CIDEC: variants seen among roughly 807,000 people sequenced by gnomAD.
CIDEC encodes cell death inducing DFFA like effector c, also known as lipid transferase CIDEC.
CIDEC carries 11 observed loss-of-function variants against 21.9 expected under a neutral mutation model. That is an observed-to-expected ratio of 0.50 (90% CI 0.32 to 0.83). The LOEUF is 0.83. CIDEC is among the 40% of genes least tolerant of loss of function. The pLI is 0.04. For synonymous variants in CIDEC, 127 were observed against 124.9 expected, an observed-to-expected ratio of 1.02 and a Z score of -0.11; for missense variants, 302 against 302.3, an observed-to-expected ratio of 1.00 and a Z score of 0.01.
chr3:9,879,699 G>A (rs778673948), intron 1 of CIDEC, among the ~76,000 whole-genome samples: 1 of 152,044 alleles, frequency 6.6e-6, no homozygotes, highest in Non-Finnish European at 1.5e-5. Flanking sequence ...GATCCAGGAC[G>A]AAATTTTTGC....
rs2082459341 is a variant in CIDEC at position 9,878,515 on chromosome 3, G to A, written c.-25-4C>T. ...TGTCAGCTGGACTGCGTTGGACCTGGGAAGGAGGCAGAAACAATTCATCAG... is the reference window on the plus strand; with the variant it reads ...TGTCAGCTGGACTGCGTTGGACCTGAGAAGGAGGCAGAAACAATTCATCAG... On this transcript the variant is annotated splice_polypyrimidine_tract_variant and splice_region_variant and intron_variant, in intron 2 of 6. Transcript: ENST00000336832. 5 of 1,613,014 alleles carry A rather than the reference G, an allele frequency of 3.1e-6. No homozygotes were observed. Among genetic ancestry groups the A allele is most frequent in the Middle Eastern group, 3.3e-4 (2 of 6,058 alleles).
intron 6 of CIDEC, among the ~76,000 whole-genome samples, chr3:9,867,551 C>T (rs1575445076): frequency 6.6e-6 from 1 of 152,184 alleles, no homozygotes; most frequent in East Asian, 1.9e-4. Flanking sequence ...ACCCAGGAGG[C>T]GGAGGTCACA....
chr3:9,868,475 T>C (rs1392157176), intron 6 of CIDEC, among the ~76,000 whole-genome samples: 1 of 152,218 alleles, frequency 6.6e-6, no homozygotes, highest in Non-Finnish European at 1.5e-5. Flanking sequence ...AGCAAACTGC[T>C]CTAGCTTTGA....
Position 9,867,292 on chromosome 3 carries a change from C to G in CIDEC, c.559G>C (p.Ala187Pro). 1 of 1,614,136 alleles carries G rather than the reference C, an allele frequency of 6.2e-7. No homozygotes were observed. Among genetic ancestry groups the G allele is most frequent in the South Asian group, 1.1e-5 (1 of 91,088 alleles). The part of the protein sequence containing the change: ...CCGAKRIMKE[A>P]FRWALFSMQA... The stretch of plus-strand genomic sequence containing the variant: ...ATGCTGAAGAGGGCCCAGCGGAAAG[C>G]TTCCCTGGGTGGAATGAGAGGGCAC... The change falls in exon 7 of 7, where the codon GCT (alanine) becomes CCT (proline). Residue 187 changes from alanine (A) to proline (P), a missense_variant. Ala to Pro is a conservative substitution (Grantham distance 27). Coordinates refer to ENST00000336832, the MANE Select transcript of CIDEC (RefSeq NM_001321142.2).
At chr3:9,872,588 A>G (rs2082363254) in intron 4 of CIDEC, among the ~76,000 whole-genome samples, 1 of 152,154 alleles carries the variant, frequency 6.6e-6, no homozygotes, top group Non-Finnish European at 1.5e-5. Flanking sequence ...AGCTGTAAAC[A>G]CTATATATTC....
Position 9,868,396 on chromosome 3 carries a change from G to C in CIDEC, c.555-1100C>G, listed in dbSNP as rs560185480. 3.3e-5 allele frequency among the ~76,000 whole-genome samples: 5 copies of C among 152,340 alleles called. No homozygotes were observed. In the South Asian group the frequency reaches 1.0e-3, roughly 32 times the overall value. Reference sequence around the variant, plus strand: ...AGACATCCATGCCTGGCATGAGCATGTACTGAGAACAGAACCTGAATCAGG... The same window carrying C: ...AGACATCCATGCCTGGCATGAGCATCTACTGAGAACAGAACCTGAATCAGG... On this transcript the variant is annotated intron_variant, in intron 6 of 6. Coordinates refer to ENST00000336832, the MANE Select transcript of CIDEC (RefSeq NM_001321142.2).
chr3:9,876,399 G>T (rs553615869), intron 4 of CIDEC, among the ~76,000 whole-genome samples: 1 of 152,084 alleles, frequency 6.6e-6, no homozygotes, highest in African/African-American at 2.4e-5. Flanking sequence ...ACTTGAACCT[G>T]GGAGGCGGAG....
chr3:9,870,138 A>AT, intron 5 of CIDEC, 26 bp downstream of exon 5: 1 of 1,614,074 alleles, frequency 6.2e-7, no homozygotes, highest in East Asian at 2.2e-5. Flanking sequence ...TTTCTCCCCC[A>AT]TCAGGTGCAA....
At chr3:9,873,548 G>A (rs564263685) in intron 4 of CIDEC, among the ~76,000 whole-genome samples, 3 of 152,188 alleles carry the variant, frequency 2.0e-5, no homozygotes, top group Non-Finnish European at 2.9e-5. Flanking sequence ...CCTGGGAGGT[G>A]GAGCTTGCAG....
Position 9,867,272 on chromosome 3 carries a change from G to T in CIDEC, c.579C>A (p.Phe193Leu), listed in dbSNP as rs530188186. The change falls in exon 7 of 7, where the codon TTC becomes TTA. Residue 193 changes from phenylalanine to leucine, a missense_variant. By Grantham distance (22) the Phe-to-Leu change is conservative. Coordinates refer to ENST00000336832, the MANE Select transcript of CIDEC (RefSeq NM_001321142.2). Reference protein sequence around the residue: ...IMKEAFRWALFSMQATGHVLL... With the variant: ...IMKEAFRWALLSMQATGHVLL... ...GTACGTGGCCTGTGGCCTGCATGCT[G>T]AAGAGGGCCCAGCGGAAAGCTTCCC... 51 of 1,614,192 alleles carry T rather than the reference G, an allele frequency of 3.2e-5. No homozygotes were observed. Among genetic ancestry groups the T allele is most frequent in the Non-Finnish European group, 4.2e-5 (49 of 1,180,044 alleles).
chr3:9,872,591 A>G (rs2082363308), intron 4 of CIDEC, among the ~76,000 whole-genome samples: 2 of 152,178 alleles, frequency 1.3e-5, no homozygotes, highest in South Asian at 4.1e-4. Context: ...TGTAAACACT[A>G]TATATTCTTG....
At chr3:9,878,617 C>T in intron 2 of CIDEC, 106 bp from the exon 3 acceptor site, 2 of 1,244,610 alleles carry the variant, frequency 1.6e-6, no homozygotes, top group Non-Finnish European at 2.3e-6. Context: ...ACCTTCCTCC[C>T]TATTCTTCTA....
intron 4 of CIDEC, among the ~76,000 whole-genome samples, chr3:9,871,173 A>ATTTTTTTTTTTTT (rs59917579): frequency 8.3e-6 from 1 of 120,166 alleles, no homozygotes; most frequent in Non-Finnish European, 1.7e-5. Context: ...TCTATGTTTA[A>ATTTTTTTTTTTTT]TTTTTTTTTT....
At chr3:9,872,181 C>CT (rs60836522) in intron 4 of CIDEC, among the ~76,000 whole-genome samples, 24 of 144,694 alleles carry the variant, frequency 1.7e-4, no homozygotes, top group East Asian at 4.1e-4. Context: ...GATGCTGAGC[C>CT]TTTTTTTTTT....
chr3:9,874,875 T>C (rs902202362), intron 4 of CIDEC, among the ~76,000 whole-genome samples: 69 of 152,028 alleles, frequency 4.5e-4, no homozygotes, highest in African/African-American at 1.6e-3. Flanking sequence ...GGACTACAGG[T>C]GCACACCACC....
Position 9,870,341 on chromosome 3 carries a change from G to T in CIDEC, c.208-19C>A, listed in dbSNP as rs543938265. The T allele has an allele frequency of 2.2e-5, 36 of 1,610,898 alleles. No individual in the cohort carries two copies. The African/African-American group carries it at 4.0e-4, about 18-fold the overall frequency. On this transcript the variant is annotated intron_variant, in intron 4 of 6. Transcript: ENST00000336832. ...CCCGGACCTGGGGAATAAGGTCAGT[G>T]ATGCTTCTGCCATCCCAGAACAAGT...
chr3:9,867,907 G>T (rs1261997685), intron 6 of CIDEC, among the ~76,000 whole-genome samples: 2 of 152,174 alleles, frequency 1.3e-5, no homozygotes, highest in Non-Finnish European at 2.9e-5. Flanking sequence ...TCCAGCCTGG[G>T]TGACAGAGTG....
intron 2 of CIDEC, chr3:9,878,733 C>T (rs1197778415): frequency 2.0e-6 from 3 of 1,535,638 alleles, no homozygotes; most frequent in Admixed American, 3.9e-5. Flanking sequence ...GGTGCTCAGG[C>T]TCAGCCTCAC....
rs1356176841 is a variant in CIDEC at position 9,866,940 on chromosome 3, C to T, written c.*194G>A. Reference sequence around the variant, plus strand: ...TGGGCAGGAAGGAGCTGGATCAGGCCAGGAGCTTGAGGTTCTCCTTTGGCC... The same window carrying T: ...TGGGCAGGAAGGAGCTGGATCAGGCTAGGAGCTTGAGGTTCTCCTTTGGCC... On this transcript the variant is annotated 3_prime_UTR_variant, in exon 7 of 7. Coordinates refer to ENST00000336832, the MANE Select transcript of CIDEC (RefSeq NM_001321142.2). The T allele has an allele frequency of 1.5e-6, 1 of 686,634 alleles. No individual in the cohort carries two copies. The highest frequency in any genetic ancestry group is 1.8e-5 in the African/African-American group (1 of 56,994). 42.5% of individuals were successfully genotyped at this position (686,634 alleles called of 1,614,324 possible).
Sources: allele counts gnomAD v4.1 joint callset (sites outside exome capture counted in the v4.1 genomes callset), GRCh38; gene constraint gnomAD v4.1.1; transcripts MANE v1.5; gene names NCBI Gene and HGNC (gene_info 2026-07-23, HGNC 2026-07-21).